NCOR2: variants seen among roughly 807,000 people sequenced by gnomAD.
NCOR2 encodes the protein CTG repeat protein 26.
NCOR2 carries 81 observed loss-of-function variants against 262.9 expected under a neutral mutation model. The observed-to-expected ratio is 0.31, with a 90% CI of 0.26 to 0.37. The LOEUF is 0.37. Among genes scored for constraint, NCOR2 ranks in the 10% least tolerant of loss-of-function variants. The pLI is 1.00. For missense variants in NCOR2, 3,385 were observed against 3,621.4 expected, an observed-to-expected ratio of 0.93 and a Z score of 1.68; for synonymous variants, 1,659 against 1,559.3, an observed-to-expected ratio of 1.06 and a Z score of -1.51.
chr12:124,325,377 G>GCCGGGGGCC, exon 47 of NCOR2: 1 of 246,788 alleles, frequency 4.1e-6, no homozygotes, highest in African/African-American at 3.8e-5. Context: ...ACCTGACACC[G>GCCGGGGGCC]CCCCCCCCCC....
rs187819131 is a variant in NCOR2, at chr12:124,428,577, G to A, written c.1149+1036C>T. ...TCTGTCTAATCTGAGCATCAGCATC[G>A]CAGGGCAGCGCGTTCTGTTGTCCAA... is the stretch of plus-strand genomic sequence containing the variant. On this transcript the variant is annotated intron_variant, in intron 10 of 46. Coordinates refer to ENST00000405201, the Ensembl canonical transcript of NCOR2. Among the ~76,000 whole-genome samples, 12 of 152,232 alleles carry A rather than the reference G, an allele frequency of 7.9e-5. No homozygotes were observed. The East Asian group carries it at 2.1e-3, about 27-fold the overall frequency.
intron 27 of NCOR2, among the ~76,000 whole-genome samples, chr12:124,352,918 G>T (rs2037618372): frequency 6.6e-6 from 1 of 152,210 alleles, no homozygotes; most frequent in Non-Finnish European, 1.5e-5. Context: ...GGACTTCCTT[G>T]ACCTCCCTTG....
At chr12:124,500,873 G>T (rs183552150) in intron 1 of NCOR2, among the ~76,000 whole-genome samples, 3 of 152,142 alleles carry the variant, frequency 2.0e-5, no homozygotes, top group African/African-American at 7.2e-5. Context: ...GGATGTGCCC[G>T]GAGCGCTCAG....
rs547344447 is a variant in NCOR2 at position 124,411,669 on chromosome 12, G to A, written c.1482+8288C>T. Among the ~76,000 whole-genome samples, 8 of 152,320 alleles carry A rather than the reference G, an allele frequency of 5.3e-5. No individual in the cohort carries two copies. In the South Asian group the frequency reaches 6.2e-4, roughly 12 times the overall value. On this transcript the variant is annotated intron_variant, in intron 13 of 46. Transcript: ENST00000405201. ...GTTTTGCAATTCACTAGGATAACGCGGCCCTTCCATCAATGAATCATGGAC... is the reference window on the plus strand; with the variant it reads ...GTTTTGCAATTCACTAGGATAACGCAGCCCTTCCATCAATGAATCATGGAC...
chr12:124,435,945 A>G (rs2044310396), intron 8 of NCOR2, among the ~76,000 whole-genome samples: 1 of 152,228 alleles, frequency 6.6e-6, no homozygotes, highest in Admixed American at 6.5e-5. Flanking sequence ...CCCACCTCGC[A>G]GGACTAAATG....
intron 43 of NCOR2, chr12:124,331,689 C>G (rs941897212): frequency 6.4e-6 from 1 of 155,210 alleles, no homozygotes; most frequent in Non-Finnish European, 1.4e-5. Context: ...AAGCAATCCT[C>G]CTGCCTCATC....
chr12:124,478,312 A>G (rs1017924917), intron 3 of NCOR2, among the ~76,000 whole-genome samples: 1 of 152,192 alleles, frequency 6.6e-6, no homozygotes, highest in African/African-American at 2.4e-5. Flanking sequence ...TCATGTTTAT[A>G]TTTGATAGGG....
exon 33 of NCOR2, chr12:124,343,040 G>A: frequency 2.5e-6 from 4 of 1,611,864 alleles, no homozygotes; most frequent in Non-Finnish European, 3.4e-6. Context: ...TATGGAGGTG[G>A]GGTCGAAGGC....
At chr12:124,480,923 AC>A (rs1490503783) in intron 3 of NCOR2, among the ~76,000 whole-genome samples, 2 of 142,492 alleles carry the variant, frequency 1.4e-5, no homozygotes, top group Non-Finnish European at 3.1e-5. Flanking sequence ...GGCAGGCAGA[AC>A]CCATGGGTGA....
chr12:124,375,318 T>C (rs1369435489), intron 18 of NCOR2, among the ~76,000 whole-genome samples: 1 of 152,166 alleles, frequency 6.6e-6, no homozygotes, highest in Admixed American at 6.5e-5. Context: ...TTTGTTCATC[T>C]ACAAAATGGG....
chr12:124,381,738 T>C (rs2136089723), intron 17 of NCOR2, among the ~76,000 whole-genome samples: 1 of 152,266 alleles, frequency 6.6e-6, no homozygotes, highest in Non-Finnish European at 1.5e-5. Context: ...TAGAAGAGAT[T>C]AACAGCAGAA....
chr12:124,377,861 A>AC (rs1408807822), intron 18 of NCOR2, among the ~76,000 whole-genome samples: 16 of 151,746 alleles, frequency 1.1e-4, no homozygotes, highest in African/African-American at 3.4e-4. Context: ...ACAAAAAAAA[A>AC]CTTTTCCAAA....
At position 124,340,549 on chromosome 12, in the gene NCOR2, G is replaced by A. The variant is rs979683884; in HGVS notation, c.5338+53C>T. The A allele has an allele frequency of 4.6e-6, 7 of 1,528,532 alleles. No homozygotes were observed. In the East Asian group the frequency reaches 9.2e-5, roughly 20 times the overall value. 94.7% of individuals were successfully genotyped at this position (1,528,532 alleles called of 1,614,324 possible). Reference sequence around the variant, plus strand: ...AGGGCTTCTGCCCGCCCATCCCCCAGCCGCCTCCCATGGATGCCGGGGTCC... The same window carrying A: ...AGGGCTTCTGCCCGCCCATCCCCCAACCGCCTCCCATGGATGCCGGGGTCC... On this transcript the variant is annotated intron_variant, in intron 35 of 46. Coordinates refer to ENST00000405201, the Ensembl canonical transcript of NCOR2.
intron 1 of NCOR2, among the ~76,000 whole-genome samples, chr12:124,502,952 T>G (rs1200608406): frequency 6.6e-6 from 1 of 152,160 alleles, no homozygotes; most frequent in Non-Finnish European, 1.5e-5. Flanking sequence ...GAGGCCAGAC[T>G]CCTTGGCCCT....
chr12:124,339,195 C>T (rs1870395445), intron 37 of NCOR2, among the ~76,000 whole-genome samples: 1 of 145,582 alleles, frequency 6.9e-6, no homozygotes, highest in Non-Finnish European at 1.5e-5. Flanking sequence ...CACCCATCTA[C>T]CTACCTAACC....
rs574765227 is a variant in NCOR2 at position 124,368,844 on chromosome 12, C to T, written c.2807+3178G>A. Among the ~76,000 whole-genome samples, 3 of 152,380 alleles carry T rather than the reference C, an allele frequency of 2.0e-5. No homozygotes were observed. The South Asian group carries it at 6.2e-4, about 32-fold the overall frequency. ...GAATGTAAGTGCCTGGAGTCAGGGCCTTGTCTGTGCAGTTTCCAGCGCCCC... is the reference window on the plus strand; with the variant it reads ...GAATGTAAGTGCCTGGAGTCAGGGCTTTGTCTGTGCAGTTTCCAGCGCCCC... On this transcript the variant is annotated intron_variant, in intron 20 of 46. Coordinates refer to ENST00000405201, the Ensembl canonical transcript of NCOR2.
At chr12:124,553,986 C>T (rs186229810) in intron 1 of NCOR2, among the ~76,000 whole-genome samples, 79 of 152,332 alleles carry the variant, frequency 5.2e-4, no homozygotes, top group Admixed American at 3.0e-3. Flanking sequence ...ATGTCCTTGG[C>T]ATGGTCAGCA....
At chr12:124,404,796 T>C (rs964775216) in intron 13 of NCOR2, among the ~76,000 whole-genome samples, 2 of 152,220 alleles carry the variant, frequency 1.3e-5, no homozygotes, top group African/African-American at 4.8e-5. Flanking sequence ...GGCCGGCTCC[T>C]GGCCCCTCTG....
At chr12:124,464,099 G>C (rs2136618883) in intron 5 of NCOR2, among the ~76,000 whole-genome samples, 1 of 152,366 alleles carries the variant, frequency 6.6e-6, no homozygotes, top group South Asian at 2.1e-4. Flanking sequence ...AAGGGCTAAG[G>C]AGAATCAGAA....
Sources: allele counts gnomAD v4.1 joint callset (sites outside exome capture counted in the v4.1 genomes callset), GRCh38; gene constraint gnomAD v4.1.1; transcripts MANE v1.5; gene names NCBI Gene and HGNC (gene_info 2026-07-23, HGNC 2026-07-21).